LIMCH1: variants seen among roughly 807,000 people sequenced by gnomAD.
LIMCH1 encodes LIM and calponin homology domains 1.
LIMCH1 carries 113 observed loss-of-function variants against 176.5 expected under a neutral mutation model. The observed-to-expected ratio is 0.64, with a 90% CI of 0.55 to 0.75. The LOEUF is 0.75. Ranked by LOEUF, LIMCH1 falls within the 30% of genes least tolerant of loss-of-function variation. The pLI, the probability that LIMCH1 is intolerant of heterozygous loss-of-function variation, is 0.00. For missense variants in LIMCH1, 1,674 were observed against 1,814.9 expected (o/e 0.92, Z 1.41); for synonymous variants, 619 against 645.9 (o/e 0.96, Z 0.63).
chr4:41,511,960 C>T (rs577714612), intron 2 of LIMCH1, among the ~76,000 whole-genome samples: 2 of 152,192 alleles, frequency 1.3e-5, no homozygotes, highest in African/African-American at 2.4e-5. Context: ...CAAATGATAT[C>T]ATCTCTCAAC....
At chr4:41,545,419 T>C (rs996808924) in intron 1 of LIMCH1, among the ~76,000 whole-genome samples, 1 of 152,226 alleles carries the variant, frequency 6.6e-6, no homozygotes, top group Admixed American at 6.5e-5. Context: ...TTTTTTCCTG[T>C]TCGTCAGTAC....
At chr4:41,419,611 CTTCCTTCCTTCCTTCCT>C (rs2060324163) in intron 1 of LIMCH1, among the ~76,000 whole-genome samples, 8 of 87,032 alleles carry the variant, frequency 9.2e-5, no homozygotes, top group African/African-American at 7.6e-4. Context: ...TCCGTCCTTC[CTTCCTTCCTTCCTTCCT>C]TCCTTCCTCC....
chr4:41,631,030 C>A, intron 9 of LIMCH1, 118 bp from the exon 10 acceptor site: 1 of 842,436 alleles, frequency 1.2e-6, no homozygotes, highest in South Asian at 2.0e-5. Context: ...CAGTGGGATG[C>A]CGAACTCACT....
At chr4:41,577,128 C>T (rs984491345) in intron 1 of LIMCH1, among the ~76,000 whole-genome samples, 1 of 152,062 alleles carries the variant, frequency 6.6e-6, no homozygotes, top group African/African-American at 2.4e-5. Context: ...GGAACCAATT[C>T]CCTGCATGTA....
At chr4:41,535,540 C>T (rs796535392), upstream of LIMCH1, among the ~76,000 whole-genome samples, 6 of 152,136 alleles carry the variant, frequency 3.9e-5, no homozygotes, top group East Asian at 3.9e-4. Context: ...AGGACACTGT[C>T]GTATTGGATT....
At chr4:41,598,297 T>C (rs980869981) in intron 1 of LIMCH1, among the ~76,000 whole-genome samples, 1 of 152,176 alleles carries the variant, frequency 6.6e-6, no homozygotes, top group Non-Finnish European at 1.5e-5. Context: ...TTGTATCTGC[T>C]AGAGAAAATT....
Position 41,662,851 on chromosome 4 carries a change from G to C in LIMCH1, c.3158G>C (p.Arg1053Pro). 1.2e-6 allele frequency: 2 copies of C among 1,613,970 alleles called. No homozygotes were observed. The highest frequency in any genetic ancestry group is 1.7e-6 in the Non-Finnish European group (2 of 1,179,958). The change falls in exon 20 of 32, where the codon CGA (arginine) becomes CCA (proline). Residue 1053 changes from arginine (R) to proline (P), a missense_variant. By Grantham distance (103) the Arg-to-Pro change is moderately radical. This residue lies in a region of LIMCH1 where 1,015 missense variants were observed against 1,102.5 expected (regional missense o/e 0.92). Coordinates refer to ENST00000503057, the MANE Select transcript of LIMCH1 (RefSeq NM_001330672.2). ...EPQHFTTTVT[R>P]CSPTVAFVEF... ...CAGCATTTTACAACAACTGTGACTC[G>C]ATGCAGCCCGACCGTGGCCTTTGTG...
chr4:41,469,759 G>A (rs2066678848), intron 1 of LIMCH1, among the ~76,000 whole-genome samples: 6 of 151,822 alleles, frequency 4.0e-5, no homozygotes, highest in Admixed American at 3.9e-4. Context: ...TCGGCTCACT[G>A]CAACCTCTGC....
intron 1 of LIMCH1, among the ~76,000 whole-genome samples, chr4:41,477,160 G>A (rs889489697): frequency 1.3e-5 from 2 of 152,102 alleles, no homozygotes; most frequent in African/African-American, 4.8e-5. Flanking sequence ...TAGGAAATTG[G>A]GCAAATTACT....
chr4:41,630,842 A>G (rs1045923648), intron 9 of LIMCH1, among the ~76,000 whole-genome samples: 1 of 152,234 alleles, frequency 6.6e-6, no homozygotes, highest in African/African-American at 2.4e-5. Flanking sequence ...TACCGATAAT[A>G]GCTACATTAA....
rs2304648 is a variant in LIMCH1, at chr4:41,646,457, T to C, written c.2412-28T>C. Reference sequence around the variant, plus strand: ...TCTTTGCAATTTTCATTAGTTGACTTTGTTATTGCTTCTCCCATGTCCTTT... The same window carrying C: ...TCTTTGCAATTTTCATTAGTTGACTCTGTTATTGCTTCTCCCATGTCCTTT... On this transcript the variant is annotated intron_variant, in intron 16 of 31. Transcript: ENST00000503057. 8.8e-6 allele frequency: 14 copies of C among 1,595,458 alleles called. No individual in the cohort carries two copies. The East Asian group carries it at 2.9e-4, about 33-fold the overall frequency.
chr4:41,646,385 T>A, intron 16 of LIMCH1, 100 bp from the exon 17 acceptor site: 1 of 1,496,974 alleles, frequency 6.7e-7, no homozygotes, highest in East Asian at 2.3e-5. Context: ...ACATTTTATA[T>A]TCCCTGTACT....
At chr4:41,615,424 G>A (rs976702276) in intron 5 of LIMCH1, among the ~76,000 whole-genome samples, 2 of 152,072 alleles carry the variant, frequency 1.3e-5, no homozygotes, top group African/African-American at 4.8e-5. Flanking sequence ...ATAAGCTAGA[G>A]TGTTTTTATG....
intron 24 of LIMCH1, 92 bp from the exon 25 acceptor site, chr4:41,680,863 A>AT (rs796652855): frequency 1.2e-5 from 8 of 669,136 alleles, no homozygotes; most frequent in Middle Eastern, 2.6e-4. Context: ...ACATATTCTG[A>AT]TTTTTTTCTA....
chr4:41,446,054 A>G (rs2063253360), intron 1 of LIMCH1, among the ~76,000 whole-genome samples: 1 of 152,222 alleles, frequency 6.6e-6, no homozygotes, highest in Admixed American at 6.5e-5. Flanking sequence ...ACATTGGGTA[A>G]TTTTGTTAAA....
chr4:41,448,634 A>G (rs2063522244), intron 1 of LIMCH1, among the ~76,000 whole-genome samples: 1 of 151,972 alleles, frequency 6.6e-6, no homozygotes. Context: ...CATGCTTTTC[A>G]GTATATTCAC....
chr4:41,545,591 A>G (rs1273108067), intron 1 of LIMCH1, among the ~76,000 whole-genome samples: 3 of 152,166 alleles, frequency 2.0e-5, no homozygotes, highest in African/African-American at 7.2e-5. Context: ...CCTCCCCCCA[A>G]ACAGGCTCCT....
intron 2 of LIMCH1, among the ~76,000 whole-genome samples, chr4:41,507,338 C>T (rs2074306109): frequency 6.6e-6 from 1 of 152,120 alleles, no homozygotes; most frequent in Non-Finnish European, 1.5e-5. Context: ...CCTCTCTCCC[C>T]TTCCTGGAGG....
chr4:41,512,274 G>T (rs1275661149), intron 2 of LIMCH1, among the ~76,000 whole-genome samples: 1 of 152,206 alleles, frequency 6.6e-6, no homozygotes, highest in Non-Finnish European at 1.5e-5. Flanking sequence ...ATGATGTGGA[G>T]AAATGAGAAC....
Sources: allele counts gnomAD v4.1 joint callset (sites outside exome capture counted in the v4.1 genomes callset), GRCh38; gene constraint gnomAD v4.1.1; regional missense constraint gnomAD v4.1.1; transcripts MANE v1.5; gene names NCBI Gene and HGNC (gene_info 2026-07-23, HGNC 2026-07-21).